ROBO2: variants seen among roughly 807,000 people sequenced by gnomAD.
ROBO2 encodes the protein roundabout homolog 2.
A neutral mutation model predicts 160.8 loss-of-function variants in ROBO2; 53 were observed. The observed-to-expected ratio is 0.33, with a 90% CI of 0.26 to 0.41. ROBO2 has a LOEUF of 0.41. Among genes scored for constraint, ROBO2 ranks in the 10% least tolerant of loss-of-function variants. The pLI is 1.00. For synonymous variants in ROBO2, 664 were observed against 611.7 expected (o/e 1.09, Z -1.26); for missense variants, 1,577 against 1,722.4 (o/e 0.92, Z 1.49).
intron 2 of ROBO2, among the ~76,000 whole-genome samples, chr3:76,394,836 G>A (rs370684823): frequency 6.6e-6 from 1 of 152,092 alleles, no homozygotes; most frequent in East Asian, 1.9e-4. Flanking sequence ...CAAGTGCTTA[G>A]AGACCTACAA....
rs556511073 is a variant in ROBO2, at chr3:77,317,639, G to C, written c.389-159775G>C. 127 of 490,838 alleles carry C rather than the reference G, an allele frequency of 2.6e-4. No individual in the cohort carries two copies. In the African/African-American group the frequency reaches 3.0e-3, roughly 12 times the overall value. The allele number at this position is 490,838 out of a possible 1,614,324, so 30.4% of individuals were successfully genotyped here. On this transcript the variant is annotated intron_variant, in intron 2 of 25. Transcript: ENST00000461745. ...CTCAAAGGTGGCGGCGGGCTCTGCG[G>C]GGGCTGCTGGTTGCTGCTGGGGGGC...
intron 5 of ROBO2, among the ~76,000 whole-genome samples, chr3:77,508,679 T>C (rs1406336699): frequency 2.0e-5 from 3 of 151,910 alleles, no homozygotes; most frequent in African/African-American, 7.2e-5. Context: ...ATATTCTAAG[T>C]AAATTCTAAA....
intron 2 of ROBO2, among the ~76,000 whole-genome samples, chr3:77,292,921 C>A (rs1481877872): frequency 1.4e-5 from 2 of 147,088 alleles, no homozygotes; most frequent in African/African-American, 5.0e-5. Flanking sequence ...TCACCAAAGA[C>A]ATAAAGTAAA....
At chr3:76,314,887 C>T (rs2071878277) in intron 2 of ROBO2, among the ~76,000 whole-genome samples, 1 of 151,900 alleles carries the variant, frequency 6.6e-6, no homozygotes, top group South Asian at 2.1e-4. Context: ...GGCTCTAACC[C>T]CTGTGTTGTT....
intron 2 of ROBO2, among the ~76,000 whole-genome samples, chr3:77,344,656 A>G (rs2067434846): frequency 6.6e-6 from 1 of 152,136 alleles, no homozygotes. Context: ...TACCCAGTAT[A>G]GGGTGTTTTT....
At chr3:77,640,258 CCCG>C (rs1331449550) in intron 24 of ROBO2, among the ~76,000 whole-genome samples, 1 of 151,928 alleles carries the variant, frequency 6.6e-6, no homozygotes, top group African/African-American at 2.4e-5. Context: ...ACTAAAGGCG[CCCG>C]CCACCACACT....
At chr3:77,453,677 G>A (rs2081335697) in intron 2 of ROBO2, among the ~76,000 whole-genome samples, 1 of 152,056 alleles carries the variant, frequency 6.6e-6, no homozygotes, top group South Asian at 2.1e-4. Flanking sequence ...TCTCTGAGAA[G>A]TATTAAATGT....
chr3:76,101,937 C>T (rs953047429), intron 2 of ROBO2, among the ~76,000 whole-genome samples: 7 of 148,538 alleles, frequency 4.7e-5, no homozygotes, highest in African/African-American at 1.8e-4. Flanking sequence ...TGTGATGTTC[C>T]CCTTCCTGTG....
intron 2 of ROBO2, among the ~76,000 whole-genome samples, chr3:76,847,543 A>C (rs2148511252): frequency 6.6e-6 from 1 of 152,330 alleles, no homozygotes; most frequent in African/African-American, 2.4e-5. Flanking sequence ...AAAATCTTGT[A>C]AGAAACCTAG....
At chr3:77,017,179 A>G (rs1170769934) in intron 2 of ROBO2, among the ~76,000 whole-genome samples, 1 of 152,258 alleles carries the variant, frequency 6.6e-6, no homozygotes, top group African/African-American at 2.4e-5. Context: ...AGTCTACTAG[A>G]ATGTAAGAAT....
At chr3:77,244,703 C>T (rs972913089) in intron 2 of ROBO2, among the ~76,000 whole-genome samples, 3 of 151,826 alleles carry the variant, frequency 2.0e-5, no homozygotes, top group South Asian at 4.2e-4. Context: ...TATGGTGAAA[C>T]CCCATCTCTA....
Position 77,562,242 on chromosome 3 carries a change from A to G in ROBO2, c.1438-409A>G, listed in dbSNP as rs118154678. On this transcript the variant is annotated intron_variant, in intron 9 of 25. Coordinates refer to ENST00000461745, the Ensembl canonical transcript of ROBO2. ...TGAAACATAGTTTATTTGAGACAGAACAGTTTTGCATTACTGCTTCTCTGG... is the reference window on the plus strand; with the variant it reads ...TGAAACATAGTTTATTTGAGACAGAGCAGTTTTGCATTACTGCTTCTCTGG... Among the ~76,000 whole-genome samples the G allele has an allele frequency of 1.4e-4, 22 of 152,236 alleles. No homozygotes were observed. The East Asian group carries it at 4.3e-3, about 30-fold the overall frequency.
chr3:77,453,940 T>C (rs185589088), intron 2 of ROBO2, among the ~76,000 whole-genome samples: 251 of 152,238 alleles, frequency 1.6e-3, no homozygotes, highest in South Asian at 0.015. Flanking sequence ...TTCTGATGTG[T>C]TTTAAGTGTC....
At chr3:76,303,693 A>G (rs1241956528) in intron 2 of ROBO2, among the ~76,000 whole-genome samples, 1 of 152,234 alleles carries the variant, frequency 6.6e-6, no homozygotes, top group African/African-American at 2.4e-5. Context: ...ACAATCAACT[A>G]GGACCCTCCA....
chr3:76,622,496 C>G, intron 2 of ROBO2, among the ~76,000 whole-genome samples: 1 of 151,984 alleles, frequency 6.6e-6, no homozygotes, highest in Non-Finnish European at 1.5e-5. Context: ...TCTTATTGTT[C>G]TATTTAACAG....
intron 2 of ROBO2, among the ~76,000 whole-genome samples, chr3:76,362,504 G>T (rs750320328): frequency 2.6e-5 from 4 of 152,076 alleles, no homozygotes; most frequent in African/African-American, 9.7e-5. Context: ...AATCAGCCGT[G>T]TTAGCTTAGG....
intron 2 of ROBO2, among the ~76,000 whole-genome samples, chr3:77,349,966 T>C (rs745839724): frequency 2.0e-5 from 3 of 152,072 alleles, no homozygotes; most frequent in Non-Finnish European, 4.4e-5. Context: ...GAAAGTTAGT[T>C]GACCTTCTGA....
chr3:77,283,976 A>G (rs527835860), intron 2 of ROBO2, among the ~76,000 whole-genome samples: 3 of 152,308 alleles, frequency 2.0e-5, no homozygotes, highest in African/African-American at 4.8e-5. Flanking sequence ...AGAAGTTTCT[A>G]TAGCTTTACC....
intron 5 of ROBO2, among the ~76,000 whole-genome samples, chr3:77,495,329 A>C (rs1397074971): frequency 1.3e-5 from 2 of 152,204 alleles, no homozygotes; most frequent in African/African-American, 4.8e-5. Flanking sequence ...TCCCATTTAC[A>C]CTACACCCAG....
Sources: gnomAD v4.1 joint callset for allele counts (sites outside exome capture counted in the v4.1 genomes callset) on GRCh38, gnomAD v4.1.1 for gene constraint, MANE v1.5 for transcripts, NCBI Gene and HGNC (gene_info 2026-07-23, HGNC 2026-07-21) for gene names.